CRHR2: variants seen among roughly 807,000 people sequenced by gnomAD.
The protein encoded by CRHR2 is corticotropin releasing hormone receptor 2, also known as corticotropin-releasing hormone receptor 2.
In CRHR2, 53 loss-of-function variants were observed where a neutral mutation model predicts 57.9. That is an observed-to-expected ratio of 0.92 (90% CI 0.73 to 1.15). The LOEUF (loss-of-function observed/expected upper bound fraction) is 1.15. Among genes scored for constraint, CRHR2 ranks in the 50% most tolerant of loss-of-function variants. The pLI is 0.00. For synonymous variants in CRHR2, 213 were observed against 220.9 expected (o/e 0.96, Z 0.32); for missense variants, 532 against 542.6 (o/e 0.98, Z 0.19).
chr7:30,667,522 C>T (rs1211165882), intron 2 of CRHR2, among the ~76,000 whole-genome samples: 2 of 152,198 alleles, frequency 1.3e-5, no homozygotes, highest in Non-Finnish European at 2.9e-5. Flanking sequence ...CATGCTAAAA[C>T]CCATTTTAGA....
Position 30,653,339 on chromosome 7 carries a change from G to T in CRHR2, c.*121C>A. ...CTGCCGCACCCCCTCTTTCCTGCCA[G>T]GCTGGAGAGCTGGTCTCTCCCCTCC... On this transcript the variant is annotated 3_prime_UTR_variant, in exon 12 of 12. Transcript: ENST00000471646. The surrounding 1 kb of genome is among the most constrained non-coding windows in gnomAD (Gnocchi z 5.0). 1.4e-6 allele frequency: 2 copies of T among 1,414,064 alleles called. No homozygotes were observed. Among genetic ancestry groups the T allele is most frequent in the Non-Finnish European group, 1.9e-6 (2 of 1,050,262 alleles). 87.6% of individuals were successfully genotyped at this position (1,414,064 alleles called of 1,614,324 possible). A position where few individuals can be genotyped will look rare whatever the true frequency, so the allele number is the denominator to read the frequency against.
chr7:30,657,993 C>A (rs751172212), intron 8 of CRHR2, among the ~76,000 whole-genome samples: 1 of 152,244 alleles, frequency 6.6e-6, no homozygotes, highest in Non-Finnish European at 1.5e-5. Flanking sequence ...TCTATCCATT[C>A]ATCTACCTAG....
intron 5 of CRHR2, among the ~76,000 whole-genome samples, chr7:30,664,043 A>T (rs1270182049): frequency 6.6e-6 from 1 of 152,202 alleles, no homozygotes. Context: ...CCCTCCTCCC[A>T]ACCCTACTTT....
chr7:30,655,477 C>T, intron 10 of CRHR2, 103 bp downstream of exon 10: 1 of 1,389,752 alleles, frequency 7.2e-7, no homozygotes, highest in Non-Finnish European at 9.8e-7. Flanking sequence ...GTAACTGAGC[C>T]ATGGGTGTGC....
intron 8 of CRHR2, among the ~76,000 whole-genome samples, chr7:30,659,142 C>CT (rs1294715205): frequency 6.6e-6 from 1 of 152,198 alleles, no homozygotes; most frequent in Admixed American, 6.5e-5. Context: ...AAGGGCTCAG[C>CT]TTGGAATGTG....
chr7:30,667,407 C>T (rs1181844155), intron 2 of CRHR2, 94 bp from the exon 3 acceptor site: 49 of 949,180 alleles, frequency 5.2e-5, no homozygotes, highest in South Asian at 1.3e-4. Context: ...GTGTACGCAC[C>T]TCAGCTCTCC....
chr7:30,699,415 G>A (rs1412865759), intron 1 of CRHR2, among the ~76,000 whole-genome samples: 1 of 152,076 alleles, frequency 6.6e-6, no homozygotes, highest in African/African-American at 2.4e-5. Context: ...CAGGCACTGA[G>A]AGGAAGGATG....
intron 1 of CRHR2, among the ~76,000 whole-genome samples, chr7:30,692,960 C>T (rs1013579527): frequency 6.6e-6 from 1 of 152,106 alleles, no homozygotes; most frequent in East Asian, 1.9e-4. Flanking sequence ...GAAGTGAAGA[C>T]CTGTGGGTCA....
chr7:30,673,083 G>T (rs982222963), intron 2 of CRHR2, among the ~76,000 whole-genome samples: 2 of 152,172 alleles, frequency 1.3e-5, no homozygotes, highest in Non-Finnish European at 2.9e-5. Flanking sequence ...TACCTTAGGG[G>T]CCAGATATCC....
rs919835450 is a variant in CRHR2, at chr7:30,658,935, C to T, written c.831+1638G>A. On this transcript the variant is annotated intron_variant, in intron 8 of 11. Transcript: ENST00000471646. ...GGAACACCAAACACGTGTCCAACCT[C>T]GAGGACAACAGGCAGATGGTGGGGA... Among the ~76,000 whole-genome samples, 7 of 152,016 alleles carry T rather than the reference C, an allele frequency of 4.6e-5. No homozygotes were observed. The East Asian group carries it at 5.8e-4, about 13-fold the overall frequency.
At chr7:30,674,521 C>T (rs1299925943) in intron 2 of CRHR2, among the ~76,000 whole-genome samples, 1 of 152,238 alleles carries the variant, frequency 6.6e-6, no homozygotes, top group South Asian at 2.1e-4. Context: ...GGGAGACCAC[C>T]TGCCCAAAGG....
At chr7:30,667,111 G>A (rs1784209773) in intron 3 of CRHR2, 117 bp downstream of exon 3, 2 of 861,346 alleles carry the variant, frequency 2.3e-6, no homozygotes, top group Admixed American at 3.9e-5. Context: ...AGGAGGTACA[G>A]AAGGGAGTGA....
intron 2 of CRHR2, among the ~76,000 whole-genome samples, chr7:30,679,680 C>G (rs1365137614): frequency 6.6e-6 from 1 of 152,152 alleles, no homozygotes; most frequent in Non-Finnish European, 1.5e-5. Flanking sequence ...AAAATTGGGG[C>G]AGGAAGTGGA....
At position 30,665,605 on chromosome 7, in the gene CRHR2, A is replaced by T; in HGVS notation, c.350T>A (p.Leu117His). The change falls in exon 4 of 12, where the codon CTT (leucine) becomes CAT (histidine). Residue 117 changes from leucine to histidine, a missense_variant. Transcript: ENST00000471646. This position sits in a 1 kb window ranked among gnomAD's most constrained non-coding sequence, Gnocchi z 4.5. The stretch of plus-strand genomic sequence containing the variant: ...GCAGTGGCCCAGGTAGTTGACGACA[A>T]GGGCGATGCGGTAGTGCAGGTCATA... The part of the protein sequence containing the change: ...RKYDLHYRIA[L>H]VVNYLGHCVS... 6.4e-7 allele frequency: 1 copy of T among 1,561,894 alleles called. No homozygotes were observed. The highest frequency in any genetic ancestry group is 8.7e-7 in the Non-Finnish European group (1 of 1,152,058).
intron 2 of CRHR2, among the ~76,000 whole-genome samples, chr7:30,679,453 G>C (rs1293768501): frequency 1.3e-5 from 2 of 152,106 alleles, no homozygotes; most frequent in African/African-American, 4.8e-5. Flanking sequence ...AGGGAGTGTG[G>C]GCGAGTGGGA....
Position 30,681,989 on chromosome 7 carries a change from G to A in CRHR2, c.155C>T (p.Pro52Leu), listed in dbSNP as rs773221768. Residue 52 changes from proline (P) to leucine (L), a missense_variant, in exon 2 of 12, where the codon CCC becomes CTC. By Grantham distance (98) the Pro-to-Leu change is moderately conservative (BLOSUM62 -3). Transcript: ENST00000471646. ...CACGAGGGCTCCGGCAGCGCTGCGG[G>A]GCCAGCACGTTCCGATCTGGTCCAA... ...TTLDQIGTCW[P>L]RSAAGALVER... 1 of 1,608,506 alleles carries A rather than the reference G, an allele frequency of 6.2e-7. No homozygotes were observed.
rs1584080161 is a variant in CRHR2 at position 30,656,066 on chromosome 7, G to A, written c.832-54C>T. ...GGAAAAGGAAGGAGCACGTGTTTGA[G>A]ATGAGCCGAGAGGCAGCCCCCTTCC... On this transcript the variant is annotated intron_variant, in intron 8 of 11. Transcript: ENST00000471646. The surrounding 1 kb of genome is among the most constrained non-coding windows in gnomAD (Gnocchi z 4.4). 10 of 1,548,252 alleles carry A rather than the reference G, an allele frequency of 6.5e-6. No homozygotes were observed. The South Asian group carries it at 8.9e-5, about 14-fold the overall frequency.
intron 1 of CRHR2, among the ~76,000 whole-genome samples, chr7:30,693,050 G>A (rs540190522): frequency 3.8e-4 from 58 of 152,324 alleles, no homozygotes; most frequent in African/African-American, 1.3e-3. Context: ...CCCCTCTCTT[G>A]CCACAGAGGA....
chr7:30,653,158 G>T lies in CRHR2; in HGVS notation c.*302C>A. 2.8e-6 allele frequency: 1 copy of T among 358,292 alleles called. No homozygotes were observed. Among genetic ancestry groups the T allele is most frequent in the South Asian group, 3.8e-5 (1 of 26,534 alleles). 22.2% of individuals were successfully genotyped at this position (358,292 alleles called of 1,614,324 possible). A position where few individuals can be genotyped will look rare whatever the true frequency, so the allele number is the denominator to read the frequency against. On this transcript the variant is annotated 3_prime_UTR_variant, in exon 12 of 12. Transcript: ENST00000471646. The surrounding 1 kb of genome is among the most constrained non-coding windows in gnomAD (Gnocchi z 5.0). Reference sequence around the variant, plus strand: ...TGTTGGACAGGTCCTTCTCTGCTCTGGGCCCAGTAAGGCCCTGGCCAGAGA... The same window carrying T: ...TGTTGGACAGGTCCTTCTCTGCTCTTGGCCCAGTAAGGCCCTGGCCAGAGA...
Sources: allele counts gnomAD v4.1 joint callset (sites outside exome capture counted in the v4.1 genomes callset), GRCh38; gene constraint gnomAD v4.1.1; non-coding constraint Gnocchi (gnomAD v3.1); transcripts MANE v1.5; gene names NCBI Gene and HGNC (gene_info 2026-07-23, HGNC 2026-07-21).